GAS7: variants seen among roughly 807,000 people sequenced by gnomAD.
The protein encoded by GAS7 is growth arrest specific 7, also known as growth arrest-specific protein 7.
In GAS7, 28 loss-of-function variants were observed where a neutral mutation model predicts 71.1. The observed-to-expected ratio is 0.39, with a 90% confidence interval of 0.29 to 0.54. The LOEUF (loss-of-function observed/expected upper bound fraction) is 0.54, where lower values mean the gene tolerates loss of function less well. GAS7 is among the 20% of genes least tolerant of loss of function. GAS7 has a pLI of 0.62. For synonymous variants in GAS7, 258 were observed against 245.8 expected, an observed-to-expected ratio of 1.05 and a Z score of -0.46; for missense variants, 436 against 627.8, an observed-to-expected ratio of 0.69 and a Z score of 3.27.
In GAS7 at chr17:10,171,048, C is replaced by A. The variant is rs549532876; in HGVS notation, c.183+27160G>T. ...CAAAAGTCCTCCTAACTCCCAGGCA[C>A]CATTTCTCTCTCTGTAGCTTCACTT... On this transcript the variant is annotated intron_variant, in intron 1 of 13. Coordinates refer to ENST00000432992, the MANE Select transcript of GAS7 (RefSeq NM_201433.2). Among the ~76,000 whole-genome samples the A allele has an allele frequency of 4.3e-3, 649 of 152,314 alleles. 4 individuals are homozygous for A. Among genetic ancestry groups the A allele is most frequent in the African/African-American group, 0.015 (620 of 41,570 alleles).
intron 1 of GAS7, among the ~76,000 whole-genome samples, chr17:10,127,869 CAAAGATCTGAGCAA>C (rs2142083650): frequency 6.6e-6 from 1 of 152,324 alleles, no homozygotes; most frequent in African/African-American, 2.4e-5. Flanking sequence ...AGAACCCACG[CAAAGATCTGAGCAA>C]ATTCCAGGAC....
Position 9,919,318 on chromosome 17 carries a change from G to A in GAS7, c.1218+308C>T, listed in dbSNP as rs1475400678. The stretch of plus-strand genomic sequence containing the variant: ...CTATAGCTTGGCTATTTTTCCTAAA[G>A]AGGCCCTTGTCCACTTAGTTGAGGA... On this transcript the variant is annotated intron_variant, in intron 12 of 13. Transcript: ENST00000432992. The surrounding 1 kb of genome is among the most constrained non-coding windows in gnomAD (Gnocchi z 5.0). Among the ~76,000 whole-genome samples, 2 of 152,106 alleles carry A rather than the reference G, an allele frequency of 1.3e-5. No homozygotes were observed. Among genetic ancestry groups the A allele is most frequent in the East Asian group, 1.9e-4 (1 of 5,188 alleles).
At chr17:10,192,463 T>C (rs1382910303) in intron 1 of GAS7, among the ~76,000 whole-genome samples, 2 of 152,158 alleles carry the variant, frequency 1.3e-5, no homozygotes, top group African/African-American at 4.8e-5. Flanking sequence ...AGGATCAGTA[T>C]CCGTGTTCAC....
At chr17:9,975,468 C>T (rs2070154373) in intron 3 of GAS7, among the ~76,000 whole-genome samples, 1 of 112,546 alleles carries the variant, frequency 8.9e-6, no homozygotes, top group African/African-American at 4.7e-5. Flanking sequence ...CCCTCCCTTC[C>T]CTTCGGGCTT....
chr17:10,005,050 T>TATATATATATATATATATAC (rs1296844463), intron 2 of GAS7, among the ~76,000 whole-genome samples: 12 of 150,078 alleles, frequency 8.0e-5, no homozygotes, highest in African/African-American at 1.7e-4. Flanking sequence ...TACATATATA[T>TATATATATATATATATATAC]ACACATATAT....
At position 10,198,161 on chromosome 17, in the gene GAS7, C is replaced by G. The variant is rs2074554714; in HGVS notation, c.183+47G>C. The G allele has an allele frequency of 7.0e-6, 11 of 1,563,974 alleles. No individual in the cohort carries two copies. In the East Asian group the frequency reaches 1.8e-4, roughly 26 times the overall value. Reference sequence around the variant, plus strand: ...ACGGGCAACAGGTACGCGAGCGCACCGAGGACCGCAGCCCCGGCTCCTACA... The same window carrying G: ...ACGGGCAACAGGTACGCGAGCGCACGGAGGACCGCAGCCCCGGCTCCTACA... On this transcript the variant is annotated intron_variant, in intron 1 of 13. Transcript: ENST00000432992.
At chr17:10,155,940 T>G (rs769045669) in intron 1 of GAS7, among the ~76,000 whole-genome samples, 1 of 152,304 alleles carries the variant, frequency 6.6e-6, no homozygotes, top group Non-Finnish European at 1.5e-5. Flanking sequence ...TGAACCACTA[T>G]GCCACACAGG....
At chr17:10,116,872 G>A (rs2073865907) in intron 1 of GAS7, among the ~76,000 whole-genome samples, 1 of 151,970 alleles carries the variant, frequency 6.6e-6, no homozygotes, top group South Asian at 2.1e-4. Flanking sequence ...AGTTTTGCTG[G>A]AAGGTGATAA....
chr17:9,955,893 C>T (rs1420645083), intron 5 of GAS7, among the ~76,000 whole-genome samples: 1 of 152,184 alleles, frequency 6.6e-6, no homozygotes, highest in Non-Finnish European at 1.5e-5. Flanking sequence ...GTGACACCCC[C>T]ATCGCTCCCC....
At chr17:10,100,307 T>C (rs2073686091) in intron 1 of GAS7, among the ~76,000 whole-genome samples, 1 of 152,242 alleles carries the variant, frequency 6.6e-6, no homozygotes, top group African/African-American at 2.4e-5. Flanking sequence ...TCTGTTCATC[T>C]TGATTTCCTC....
At chr17:10,054,656 T>A (rs1187678983) in intron 1 of GAS7, among the ~76,000 whole-genome samples, 1 of 152,128 alleles carries the variant, frequency 6.6e-6, no homozygotes, top group Non-Finnish European at 1.5e-5. Context: ...GTTCCCTGGT[T>A]CTAACGAATT....
chr17:9,985,748 G>A (rs565017564), intron 2 of GAS7, among the ~76,000 whole-genome samples: 15 of 152,308 alleles, frequency 9.8e-5, no homozygotes, highest in African/African-American at 3.6e-4. Context: ...TGACTGGGGT[G>A]AGAGGGGATC....
intron 1 of GAS7, among the ~76,000 whole-genome samples, chr17:10,044,307 T>A (rs1017084140): frequency 6.6e-6 from 1 of 152,184 alleles, no homozygotes; most frequent in Non-Finnish European, 1.5e-5. Flanking sequence ...CTGATCAGCA[T>A]CACATGACAA....
chr17:10,006,475 G>A (rs1403434283), intron 2 of GAS7, among the ~76,000 whole-genome samples: 2 of 151,488 alleles, frequency 1.3e-5, no homozygotes, highest in African/African-American at 4.8e-5. Flanking sequence ...GACTACAGGC[G>A]CCTGCCACCA....
At chr17:10,176,865 G>A (rs1284921979) in intron 1 of GAS7, among the ~76,000 whole-genome samples, 1 of 152,134 alleles carries the variant, frequency 6.6e-6, no homozygotes, top group East Asian at 1.9e-4. Flanking sequence ...ACCCCAAGCT[G>A]GTTAAGCCGT....
chr17:10,021,344 AGGCT>A lies in GAS7; in HGVS notation c.184-1451_184-1448del, dbSNP rs558198304. Among the ~76,000 whole-genome samples the A allele has an allele frequency of 9.6e-3, 1,468 of 152,296 alleles. 53 individuals carry two copies. In the East Asian group the frequency reaches 0.15, roughly 16 times the overall value. On this transcript the variant is annotated intron_variant, in intron 1 of 13. Coordinates refer to ENST00000432992, the MANE Select transcript of GAS7 (RefSeq NM_201433.2). ...AGAGCAGCAGAGACACACAGCTCCC[AGGCT>A]ACTCTCACGCTTTGTGAAGGTTGCA...
At chr17:10,153,398 C>T (rs1343696403) in intron 1 of GAS7, among the ~76,000 whole-genome samples, 1 of 151,512 alleles carries the variant, frequency 6.6e-6, no homozygotes, top group Admixed American at 6.6e-5. Context: ...GTGCCTGTAA[C>T]CCAGCTACTT....
intron 2 of GAS7, among the ~76,000 whole-genome samples, chr17:10,011,323 A>C (rs1477217080): frequency 6.6e-6 from 1 of 152,200 alleles, no homozygotes; most frequent in Non-Finnish European, 1.5e-5. Flanking sequence ...GCTTGGTAGG[A>C]GTCAGATGGT....
chr17:10,077,516 C>T (rs1396499129), intron 1 of GAS7, among the ~76,000 whole-genome samples: 1 of 152,128 alleles, frequency 6.6e-6, no homozygotes, highest in Non-Finnish European at 1.5e-5. Flanking sequence ...CCCAGGAAGG[C>T]TCACAGCACA....
Sources: gnomAD v4.1 joint callset for allele counts (sites outside exome capture counted in the v4.1 genomes callset) on GRCh38, gnomAD v4.1.1 for gene constraint, Gnocchi (gnomAD v3.1) non-coding constraint, MANE v1.5 for transcripts, NCBI Gene and HGNC (gene_info 2026-07-23, HGNC 2026-07-21) for gene names.